The following PPP3CA variants were observed in gnomAD, a reference collection of about 807,000 sequenced individuals.
PPP3CA encodes the protein protein phosphatase 3 catalytic subunit alpha.
PPP3CA carries 14 observed loss-of-function variants against 66.5 expected under a neutral mutation model. The observed-to-expected ratio is 0.21, with a 90% CI of 0.14 to 0.33. PPP3CA has a LOEUF of 0.33. Among genes scored for constraint, PPP3CA ranks in the 10% least tolerant of loss-of-function variants. The probability of loss-of-function intolerance (pLI) is 1.00; values close to 1 mark genes in which losing one functional copy is unlikely to be tolerated. For missense variants in PPP3CA, 317 were observed against 639.5 expected, an observed-to-expected ratio of 0.50 and a Z score of 5.44; for synonymous variants, 232 against 226.2, an observed-to-expected ratio of 1.03 and a Z score of -0.23.
intron 2 of PPP3CA, among the ~76,000 whole-genome samples, chr4:101,126,382 G>T (rs570430039): frequency 6.6e-6 from 1 of 152,268 alleles, no homozygotes; most frequent in South Asian, 2.1e-4. Flanking sequence ...TTCCTGTAAG[G>T]ATTAGAAAAT....
chr4:101,132,932 A>G (rs767694491), intron 2 of PPP3CA, among the ~76,000 whole-genome samples: 119 of 152,202 alleles, frequency 7.8e-4, no homozygotes, highest in Non-Finnish European at 1.5e-3. Context: ...CTGGGATGCA[A>G]GGCTGGTTCA....
At chr4:101,068,511 C>A (rs1051842667) in intron 8 of PPP3CA, among the ~76,000 whole-genome samples, 1 of 151,926 alleles carries the variant, frequency 6.6e-6, no homozygotes, top group African/African-American at 2.4e-5. Context: ...ACTTAGTTTT[C>A]AAAAATCTGT....
In PPP3CA at chr4:101,335,272, G is replaced by C. The variant is rs773064765; in HGVS notation, c.58+11467C>G. On this transcript the variant is annotated intron_variant, in intron 1 of 13. Transcript: ENST00000394854. Reference sequence around the variant, plus strand: ...TACTACATTTGCCAAATTCAATGGCGTTAGGAGCAGACAATCTTCAAAGAT... The same window carrying C: ...TACTACATTTGCCAAATTCAATGGCCTTAGGAGCAGACAATCTTCAAAGAT... Among the ~76,000 whole-genome samples, 6 of 151,870 alleles carry C rather than the reference G, an allele frequency of 4.0e-5. No individual in the cohort carries two copies. The East Asian group carries it at 5.8e-4, about 15-fold the overall frequency.
intron 2 of PPP3CA, among the ~76,000 whole-genome samples, chr4:101,168,580 G>A (rs1723768485): frequency 6.6e-6 from 1 of 152,132 alleles, no homozygotes; most frequent in Non-Finnish European, 1.5e-5. Context: ...AGGAGACTAA[G>A]TAAAAAGGAC....
intron 2 of PPP3CA, among the ~76,000 whole-genome samples, chr4:101,133,577 T>A (rs1168768181): frequency 1.3e-5 from 2 of 152,030 alleles, no homozygotes; most frequent in African/African-American, 2.4e-5. Context: ...TACAAACCAC[T>A]GCTCAAAGAA....
At chr4:101,237,850 AC>A in intron 1 of PPP3CA, among the ~76,000 whole-genome samples, 1 of 152,166 alleles carries the variant, frequency 6.6e-6, no homozygotes, top group African/African-American at 2.4e-5. Flanking sequence ...TTAGCTGCTG[AC>A]TACTCACAGC....
At chr4:101,069,081 C>T (rs907181262) in intron 8 of PPP3CA, among the ~76,000 whole-genome samples, 1 of 152,026 alleles carries the variant, frequency 6.6e-6, no homozygotes, top group Non-Finnish European at 1.5e-5. Context: ...GTTGCTCAGG[C>T]TGGAATGCAA....
intron 1 of PPP3CA, among the ~76,000 whole-genome samples, chr4:101,263,224 C>T (rs572124200): frequency 5.3e-5 from 8 of 152,256 alleles, no homozygotes; most frequent in East Asian, 1.9e-4. Flanking sequence ...ATCTTTGCTC[C>T]GCCTCAGAAA....
intron 1 of PPP3CA, among the ~76,000 whole-genome samples, chr4:101,311,237 A>T (rs138071407): frequency 7.9e-5 from 12 of 152,266 alleles, no homozygotes; most frequent in African/African-American, 2.9e-4. Flanking sequence ...CTGTTTTAGG[A>T]GGAAGAGAAT....
chr4:101,275,698 T>G (rs757919504), intron 1 of PPP3CA, among the ~76,000 whole-genome samples: 2 of 152,176 alleles, frequency 1.3e-5, no homozygotes, highest in African/African-American at 4.8e-5. Context: ...GACTCAAAAT[T>G]ATAAAATACT....
intron 2 of PPP3CA, among the ~76,000 whole-genome samples, chr4:101,124,699 AAGAAAGAAAGAAAGAAAGAAAGAAAG>A (rs1722150242): frequency 9.8e-6 from 1 of 102,016 alleles, no homozygotes; most frequent in African/African-American, 4.2e-5. Context: ...GAAAGAAAGA[AAGAAAGAAAGAAAGAAAGAAAGAAAG>A]AGAAAGAAAG....
At chr4:101,301,495 A>AT (rs1237890550) in intron 1 of PPP3CA, among the ~76,000 whole-genome samples, 3,726 of 138,668 alleles carry the variant, frequency 0.027, 118 homozygotes, top group African/African-American at 0.08. Flanking sequence ...TATATATGTA[A>AT]TTTTTTTTTT....
In PPP3CA at chr4:101,092,684, G is replaced by C. The variant is rs184867229; in HGVS notation, c.782+1092C>G. On this transcript the variant is annotated intron_variant, in intron 6 of 13. Coordinates refer to ENST00000394854, the MANE Select transcript of PPP3CA (RefSeq NM_000944.5). ...CTCCCACTTATGAGTGAGAACATGA[G>C]GTGTTTGGTTTTCTGTTCTTGTGAT... Among the ~76,000 whole-genome samples, 72 of 152,120 alleles carry C rather than the reference G, an allele frequency of 4.7e-4. 2 individuals are homozygous for C. The East Asian group carries it at 0.014, about 29-fold the overall frequency.
At chr4:101,245,963 C>G (rs1233300231) in intron 1 of PPP3CA, among the ~76,000 whole-genome samples, 2 of 152,072 alleles carry the variant, frequency 1.3e-5, no homozygotes, top group Non-Finnish European at 2.9e-5. Flanking sequence ...TCATTTCTTT[C>G]CCAACCCAGT....
chr4:101,246,604 T>C (rs1200030022), intron 1 of PPP3CA, among the ~76,000 whole-genome samples: 2 of 151,984 alleles, frequency 1.3e-5, no homozygotes, highest in East Asian at 1.9e-4. Context: ...TCTTTCTTTA[T>C]ATAAACAAGA....
At chr4:101,045,912 T>C (rs1223756493) in intron 10 of PPP3CA, among the ~76,000 whole-genome samples, 2 of 152,234 alleles carry the variant, frequency 1.3e-5, no homozygotes, top group East Asian at 3.8e-4. Context: ...GTATAAACTA[T>C]ACAGTTCTTC....
intron 2 of PPP3CA, among the ~76,000 whole-genome samples, chr4:101,181,662 T>TA (rs1196784790): frequency 4.6e-5 from 7 of 151,946 alleles, no homozygotes; most frequent in Non-Finnish European, 1.0e-4. Context: ...ACATTTGACA[T>TA]AAAAAAGAAA....
chr4:101,158,518 C>T (rs1560632474), intron 2 of PPP3CA, among the ~76,000 whole-genome samples: 2 of 152,152 alleles, frequency 1.3e-5, no homozygotes, highest in Non-Finnish European at 2.9e-5. Flanking sequence ...TCAGTTTCCA[C>T]GTTTAGGACT....
At chr4:101,328,164 C>G (rs1308207312) in intron 1 of PPP3CA, among the ~76,000 whole-genome samples, 1 of 152,102 alleles carries the variant, frequency 6.6e-6, no homozygotes, top group Non-Finnish European at 1.5e-5. Flanking sequence ...TCTCTTACAC[C>G]TAAACCTATG....
Sources: allele counts gnomAD v4.1 joint callset (sites outside exome capture counted in the v4.1 genomes callset), GRCh38; gene constraint gnomAD v4.1.1; transcripts MANE v1.5; gene names NCBI Gene and HGNC (gene_info 2026-07-23, HGNC 2026-07-21).